The following MYH13 variants were observed in gnomAD, a reference collection of about 807,000 sequenced individuals.
The protein encoded by MYH13 is myosin heavy chain 13.
In MYH13, 177 loss-of-function variants were observed where a neutral mutation model predicts 232.1. The ratio of observed to expected loss-of-function variants is 0.76; its 90% CI spans 0.67 to 0.86. The LOEUF is 0.86. Among genes scored for constraint, MYH13 ranks in the 40% least tolerant of loss-of-function variants. MYH13 has a pLI of 0.00. For missense variants in MYH13, 2,246 were observed against 2,405.9 expected, an observed-to-expected ratio of 0.93 and a Z score of 1.39; for synonymous variants, 884 against 923.5, an observed-to-expected ratio of 0.96 and a Z score of 0.78.
At chr17:10,312,103 G>T in intron 31 of MYH13, 27 bp from the exon 32 acceptor site, 2 of 1,611,988 alleles carry the variant, frequency 1.2e-6, no homozygotes, top group Non-Finnish European at 1.7e-6. Context: ...GGACATGGGA[G>T]AAGCAGAAAG....
chr17:10,353,270 A>G (rs1206262106), intron 11 of MYH13, among the ~76,000 whole-genome samples: 1 of 152,274 alleles, frequency 6.6e-6, no homozygotes, highest in African/African-American at 2.4e-5. Flanking sequence ...AACTCTGCTA[A>G]ATTTAATTTG....
At chr17:10,324,943 C>A (rs1231421987) in intron 22 of MYH13, 1 of 152,512 alleles carries the variant, frequency 6.6e-6, no homozygotes, top group Non-Finnish European at 1.5e-5. Context: ...CCCACCTCAG[C>A]CTCCCAAGTA....
At chr17:10,363,121 G>GT (rs752628869) in intron 3 of MYH13, among the ~76,000 whole-genome samples, 10 of 151,532 alleles carry the variant, frequency 6.6e-5, no homozygotes, top group Non-Finnish European at 1.3e-4. Context: ...TTTTCCCTCT[G>GT]TTTTTTTCCC....
At chr17:10,336,239 G>A (rs948608837) in intron 18 of MYH13, among the ~76,000 whole-genome samples, 13 of 152,130 alleles carry the variant, frequency 8.5e-5, no homozygotes, top group African/African-American at 2.7e-4. Flanking sequence ...GGCCTGAGAT[G>A]TTTTCTATCA....
chr17:10,342,100 C>T (rs539762600), intron 16 of MYH13, among the ~76,000 whole-genome samples: 13 of 152,276 alleles, frequency 8.5e-5, no homozygotes, highest in African/African-American at 3.1e-4. Context: ...GGCTGGAGTA[C>T]AGTGGCCCAA....
At chr17:10,347,712 C>CTTT (rs71139041) in intron 12 of MYH13, among the ~76,000 whole-genome samples, 1,712 of 86,502 alleles carry the variant, frequency 0.02, 39 homozygotes, top group East Asian at 0.056. Context: ...GGGACTACTT[C>CTTT]TTTTTTTTTT....
chr17:10,310,093 T>TG (rs1906453570), intron 33 of MYH13, among the ~76,000 whole-genome samples: 1 of 133,172 alleles, frequency 7.5e-6, no homozygotes. Context: ...ATAGGTTTTG[T>TG]GTTTTTTTTT....
chr17:10,362,075 C>T (rs754981447), intron 5 of MYH13, 43 bp downstream of exon 5: 1 of 1,612,730 alleles, frequency 6.2e-7, no homozygotes, highest in African/African-American at 1.3e-5. Flanking sequence ...GAAAAATTAA[C>T]TAAGGATGGC....
At chr17:10,355,957 G>GCT (rs2071746544) in intron 8 of MYH13, among the ~76,000 whole-genome samples, 1 of 150,254 alleles carries the variant, frequency 6.7e-6, no homozygotes, top group African/African-American at 2.5e-5. Context: ...AGAGGCCCGG[G>GCT]CTCAGGCTCA....
At chr17:10,370,122 C>T (rs995497686) in intron 2 of MYH13, among the ~76,000 whole-genome samples, 5 of 152,230 alleles carry the variant, frequency 3.3e-5, no homozygotes, top group African/African-American at 1.2e-4. Flanking sequence ...CCACATGTCA[C>T]CCTCCACTGG....
At chr17:10,369,466 C>T (rs150585912) in intron 2 of MYH13, among the ~76,000 whole-genome samples, 2 of 152,104 alleles carry the variant, frequency 1.3e-5, no homozygotes, top group African/African-American at 4.8e-5. Flanking sequence ...TATAAGGTAA[C>T]TTTAAAAACA....
chr17:10,350,522 G>A (rs758219893), intron 12 of MYH13, 34 bp downstream of exon 12: 2 of 1,605,256 alleles, frequency 1.2e-6, no homozygotes. Flanking sequence ...AACATAGATG[G>A]ACCCAATCGC....
chr17:10,320,406 C>T lies in MYH13; in HGVS notation c.3202G>A (p.Glu1068Lys), dbSNP rs756594347. 36 of 1,613,006 alleles carry T rather than the reference C, an allele frequency of 2.2e-5. No individual in the cohort carries two copies. The highest frequency in any genetic ancestry group is 3.1e-5 in the Non-Finnish European group (36 of 1,179,486). ...KLEGDLKMSQ[E>K]SIMDLENDKQ... ...TCATTTTCTAGATCCATAATGGATTCCTGGGACATTTTCAGATCTCCTTCC... is the reference window on the plus strand; with the variant it reads ...TCATTTTCTAGATCCATAATGGATTTCTGGGACATTTTCAGATCTCCTTCC... Residue 1068 changes from glutamate to lysine, a missense_variant, in exon 25 of 41, where the codon GAA becomes AAA. Transcript: ENST00000252172.
chr17:10,328,232 G>C (rs1163144811), intron 21 of MYH13, 111 bp from the exon 22 acceptor site: 2 of 1,287,996 alleles, frequency 1.6e-6, no homozygotes, highest in East Asian at 4.8e-5. Flanking sequence ...AGGTGGGAAG[G>C]AGGTGCAGCC....
rs367804029 is a variant in MYH13, at chr17:10,311,169, C to G, written c.4590G>C (p.Ala1530=). Residue 1530 remains alanine, a synonymous_variant, in exon 33 of 41, where the codon GCG becomes GCC. Coordinates refer to ENST00000252172, the MANE Select transcript of MYH13 (RefSeq NM_003802.3). ...GCTCCACTAGCTTCTTGGTCTTTTC[C>G]GCTTCCTGAAGATTCTTGCCAGTTT... ...IAETGKNLQE[A]EKTKKLVEQE... The G allele has an allele frequency of 2.5e-6, 4 of 1,614,016 alleles. No individual in the cohort carries two copies. The highest frequency in any genetic ancestry group is 3.4e-6 in the Non-Finnish European group (4 of 1,179,886).
intron 2 of MYH13, among the ~76,000 whole-genome samples, chr17:10,365,035 G>A (rs1008194583): frequency 6.6e-6 from 1 of 151,960 alleles, no homozygotes; most frequent in African/African-American, 2.4e-5. Context: ...ACCACACCCA[G>A]CTATTTTTTT....
At position 10,346,816 on chromosome 17, in the gene MYH13, A is replaced by G. The variant is rs767957232; in HGVS notation, c.1145-18T>C. On this transcript the variant is annotated intron_variant, in intron 12 of 40. Transcript: ENST00000252172. ...GTCAGCCACTGAAGGAAGAGAAAAA[A>G]ATGGCATCATGCAAAAACAGTAGCT... The G allele has an allele frequency of 8.8e-6, 14 of 1,596,060 alleles. No homozygotes were observed. The highest frequency in any genetic ancestry group is 1.2e-5 in the Non-Finnish European group (14 of 1,164,412).
intron 7 of MYH13, among the ~76,000 whole-genome samples, chr17:10,359,575 G>A (rs1294309527): frequency 6.6e-6 from 1 of 152,158 alleles, no homozygotes; most frequent in Admixed American, 6.5e-5. Flanking sequence ...GACGGGGGTC[G>A]TGAGCTCCTC....
chr17:10,313,012 A>G, intron 30 of MYH13, 146 bp downstream of exon 30: 1 of 1,327,842 alleles, frequency 7.5e-7, no homozygotes, highest in East Asian at 2.4e-5. Context: ...GGACAGGGAG[A>G]CCCCCAGAGG....
Sources: gnomAD v4.1 joint callset for allele counts (sites outside exome capture counted in the v4.1 genomes callset) on GRCh38, gnomAD v4.1.1 for gene constraint, MANE v1.5 for transcripts, NCBI Gene and HGNC (gene_info 2026-07-23, HGNC 2026-07-21) for gene names.